The following WDFY4 variants were observed in gnomAD, a reference collection of about 807,000 sequenced individuals.
WDFY4 encodes WDFY family member 4.
Under a neutral mutation model 351.9 loss-of-function variants are expected in WDFY4, and 169 were observed. The ratio of observed to expected loss-of-function variants is 0.48; its 90% confidence interval spans 0.42 to 0.55. The LOEUF (loss-of-function observed/expected upper bound fraction) is 0.55, where lower values mean the gene tolerates loss of function less well. Among genes scored for constraint, WDFY4 ranks in the 20% least tolerant of loss-of-function variants. WDFY4 has a pLI of 0.00. For missense variants in WDFY4, 3,803 were observed against 3,935.6 expected (o/e 0.97, Z 0.90); for synonymous variants, 1,622 against 1,574.6 (o/e 1.03, Z -0.71).
In WDFY4 at chr10:48,725,943, G is replaced by T; in HGVS notation, c.654G>T (p.Leu218=). 1 of 1,551,702 alleles carries T rather than the reference G, an allele frequency of 6.4e-7. No homozygotes were observed. Among genetic ancestry groups the T allele is most frequent in the Non-Finnish European group, 8.7e-7 (1 of 1,146,966 alleles). Residue 218 remains leucine (L), a synonymous_variant, in exon 6 of 62, where the codon CTG becomes CTT. Coordinates refer to ENST00000325239, the MANE Select transcript of WDFY4 (RefSeq NM_001394531.1). ...GLEGLLSGSE[L]QSLLIATTCL... ...AGGGACTCCTCTCAGGAAGTGAGCT[G>T]CAGTCTCTGCTGATTGCCACGACCT...
Position 48,832,509 on chromosome 10 carries a change from C to T in WDFY4, c.6527-64C>T, listed in dbSNP as rs186128103. On this transcript the variant is annotated intron_variant, in intron 38 of 61. Transcript: ENST00000325239. ...CCTGGCTGGCCCTTTGAAAGCCAAG[C>T]TAGCTATAAAAATAGTGTGTGCTCT... is the stretch of plus-strand genomic sequence containing the variant. The T allele has an allele frequency of 1.7e-4, 249 of 1,447,546 alleles. 1 individual carries two copies. The Middle Eastern group carries it at 3.0e-3, about 18-fold the overall frequency. The allele number at this position is 1,447,546 out of a possible 1,614,324, so 89.7% of individuals were successfully genotyped here.
At chr10:48,769,343 CAT>C (rs2065784522) in intron 13 of WDFY4, among the ~76,000 whole-genome samples, 1 of 152,180 alleles carries the variant, frequency 6.6e-6, no homozygotes, top group Non-Finnish European at 1.5e-5. Context: ...TAAAGAGAGA[CAT>C]AATTCTAAGT....
intron 13 of WDFY4, among the ~76,000 whole-genome samples, chr10:48,773,331 T>G (rs2065927424): frequency 6.6e-6 from 1 of 152,188 alleles, no homozygotes; most frequent in African/African-American, 2.4e-5. Flanking sequence ...GAAAATTCCA[T>G]TAAGATCTAA....
chr10:48,828,797 T>C lies in WDFY4; in HGVS notation c.6241T>C (p.Leu2081=). 1.9e-6 allele frequency: 3 copies of C among 1,546,688 alleles called. No homozygotes were observed. Among genetic ancestry groups the C allele is most frequent in the Non-Finnish European group, 2.6e-6 (3 of 1,144,110 alleles). ...NERSYPEGFG[L]EPKPRMSTYH... ...CACTAGTTACCCAGAAGGATTTGGA[T>C]TGGAGCCCAAGCCTAGAATGTCTAC... is the stretch of plus-strand genomic sequence containing the variant. The change falls in exon 37 of 62, where the codon TTG becomes CTG. Residue 2081 remains leucine, a synonymous_variant. Transcript: ENST00000325239.
chr10:48,935,737 A>G (rs1840316195), intron 47 of WDFY4, among the ~76,000 whole-genome samples: 1 of 152,208 alleles, frequency 6.6e-6, no homozygotes, highest in Admixed American at 6.5e-5. Flanking sequence ...CCCTGTAATC[A>G]TATTCTCTTA....
rs748581229 is a variant in WDFY4 at position 48,776,932 on chromosome 10, G to A, written c.3046G>A (p.Ala1016Thr). The A allele has an allele frequency of 2.6e-6, 4 of 1,552,328 alleles. No homozygotes were observed. The highest frequency in any genetic ancestry group is 2.7e-5 in the African/African-American group (2 of 73,182). Residue 1016 changes from alanine to threonine, a missense_variant, in exon 16 of 62, where the codon GCA becomes ACA. Physicochemically the swap from Ala to Thr is moderately conservative, Grantham distance 58. Around this residue, in one of 3 missense-constraint regions of WDFY4, gnomAD observed 3,054 missense variants for 3,148.6 expected, o/e 0.97. Transcript: ENST00000325239. ...CCCACGCAACCTGCAGCCTCAGAGG[G>A]CAGCCCTGGCCCCATCGTTTGTGGA... The part of the protein sequence containing the change: ...TSPRNLQPQR[A>T]ALAPSFVEFD...
intron 8 of WDFY4, 119 bp from the exon 9 acceptor site, chr10:48,730,991 C>A: frequency 8.8e-7 from 1 of 1,130,594 alleles, no homozygotes; most frequent in Non-Finnish European, 1.2e-6. Context: ...TGGACATGTG[C>A]CCATAGGAGT....
At position 48,901,824 on chromosome 10, in the gene WDFY4, T is replaced by A. The variant is rs900070396; in HGVS notation, c.7547T>A (p.Leu2516Gln). ...FKSFCSFQPS[L>Q]KGKATSEDTL... ...AGCTTCTGCTCTTTCCAACCCAGCC[T>A]GAAGGGGAAAGCCACCTCGGAGGAC... The change falls in exon 47 of 62, where the codon CTG becomes CAG. Residue 2516 changes from leucine to glutamine, a missense_variant. Physicochemically the swap from Leu to Gln is moderately radical, Grantham distance 113. Transcript: ENST00000325239. The A allele has an allele frequency of 2.6e-6, 4 of 1,551,466 alleles. No individual in the cohort carries two copies. In the African/African-American group the frequency reaches 5.5e-5, roughly 21 times the overall value.
chr10:48,959,742 G>A lies in WDFY4; in HGVS notation c.8152G>A (p.Val2718Met), dbSNP rs61733226. ...VEFGCMQDGT[V>M]LGDVQLPPWA... is the part of the protein sequence containing the mutation. ...TGCAGGCTGCATGCAGGACGGGACTGTGCTAGGAGACGTGCAGCTCCCTCC... is the reference window on the plus strand; with the variant it reads ...TGCAGGCTGCATGCAGGACGGGACTATGCTAGGAGACGTGCAGCTCCCTCC... Residue 2718 changes from valine to methionine, a missense_variant, in exon 53 of 62, where the codon GTG (valine) becomes ATG (methionine). Transcript: ENST00000325239. 2,921 of 1,551,640 alleles carry A rather than the reference G, an allele frequency of 1.9e-3. 32 individuals are homozygous for A. In the African/African-American group the frequency reaches 0.031, roughly 16 times the overall value.
intron 23 of WDFY4, among the ~76,000 whole-genome samples, chr10:48,795,496 T>TATATATATATATATATATATATAC (rs2066828657): frequency 7.0e-5 from 3 of 42,772 alleles, no homozygotes; most frequent in South Asian, 1.5e-3. Flanking sequence ...TGTCTGTATA[T>TATATATATATATATATATATATAC]ATATATATAT....
intron 24 of WDFY4, among the ~76,000 whole-genome samples, chr10:48,798,201 A>C (rs938525308): frequency 2.2e-4 from 33 of 152,374 alleles, no homozygotes; most frequent in African/African-American, 7.7e-4. Flanking sequence ...ATAGATCAAG[A>C]TTCGGTTCAA....
At chr10:48,930,109 C>G (rs1839901335) in intron 47 of WDFY4, among the ~76,000 whole-genome samples, 1 of 152,122 alleles carries the variant, frequency 6.6e-6, no homozygotes, top group South Asian at 2.1e-4. Flanking sequence ...TTGGTCAATA[C>G]TAGTTTAATA....
At chr10:48,917,743 T>C (rs1331344647) in intron 47 of WDFY4, among the ~76,000 whole-genome samples, 1 of 152,230 alleles carries the variant, frequency 6.6e-6, no homozygotes, top group Non-Finnish European at 1.5e-5. Flanking sequence ...AAGGAAGTTC[T>C]TCAGGTGAAA....
intron 51 of WDFY4, among the ~76,000 whole-genome samples, chr10:48,951,649 A>G: frequency 6.6e-6 from 1 of 152,368 alleles, no homozygotes; most frequent in Admixed American, 6.5e-5. Context: ...CACATTTTGT[A>G]AAGACGGGGT....
At chr10:48,775,296 C>A (rs549341440) in intron 14 of WDFY4, among the ~76,000 whole-genome samples, 1 of 152,088 alleles carries the variant, frequency 6.6e-6, no homozygotes, top group Admixed American at 6.5e-5. Flanking sequence ...ATGCACAGAG[C>A]GGGGGGCCCT....
At chr10:48,857,623 T>C (rs2069181499) in intron 39 of WDFY4, among the ~76,000 whole-genome samples, 2 of 152,202 alleles carry the variant, frequency 1.3e-5, no homozygotes, top group African/African-American at 4.8e-5. Flanking sequence ...AAATATAAGT[T>C]ATTTAGCCAG....
At chr10:48,975,222 C>G (rs1842515498) in intron 58 of WDFY4, 181 bp downstream of exon 58, 20 of 788,250 alleles carry the variant, frequency 2.5e-5, no homozygotes, top group South Asian at 2.5e-4. Context: ...GCTTCAATGT[C>G]CGCTTCTTTA....
intron 51 of WDFY4, among the ~76,000 whole-genome samples, chr10:48,949,073 C>T (rs1480807496): frequency 6.6e-6 from 1 of 152,208 alleles, no homozygotes; most frequent in Admixed American, 6.5e-5. Flanking sequence ...AACCAATTGT[C>T]CATGCTTTTA....
chr10:48,787,247 T>C (rs1396558405), intron 20 of WDFY4, among the ~76,000 whole-genome samples: 29 of 152,246 alleles, frequency 1.9e-4, no homozygotes, highest in Non-Finnish European at 1.5e-5. Flanking sequence ...TCATTATTGA[T>C]TGTTGTTATT....
Sources: gnomAD v4.1 joint callset for allele counts (sites outside exome capture counted in the v4.1 genomes callset) on GRCh38, gnomAD v4.1.1 for gene constraint, gnomAD v4.1.1 regional missense constraint, MANE v1.5 for transcripts, NCBI Gene and HGNC (gene_info 2026-07-23, HGNC 2026-07-21) for gene names.